PLPPR5: variants seen among roughly 807,000 people sequenced by gnomAD.
The protein encoded by PLPPR5 is phospholipid phosphatase related 5, also known as phospholipid phosphatase-related protein type 5.
Under a neutral mutation model 33.9 loss-of-function variants are expected in PLPPR5, and 16 were observed. The ratio of observed to expected loss-of-function variants is 0.47; its 90% CI spans 0.32 to 0.72. PLPPR5 has a LOEUF of 0.72. Among genes scored for constraint, PLPPR5 ranks in the 30% least tolerant of loss-of-function variants. The pLI is 0.03. For synonymous variants in PLPPR5, 163 were observed against 150.3 expected (o/e 1.08, Z -0.62); for missense variants, 301 against 406.7 (o/e 0.74, Z 2.23).
chr1:99,002,027 C>T (rs80188538), intron 1 of PLPPR5, among the ~76,000 whole-genome samples: 21 of 152,124 alleles, frequency 1.4e-4, no homozygotes, highest in Non-Finnish European at 2.4e-4. Flanking sequence ...AGTAACTCAA[C>T]AAATGATGGG....
chr1:98,991,744 TAGTC>T (rs775442345), intron 1 of PLPPR5, among the ~76,000 whole-genome samples: 1 of 152,164 alleles, frequency 6.6e-6, no homozygotes, highest in Non-Finnish European at 1.5e-5. Flanking sequence ...AGCATCCCAA[TAGTC>T]AGACTTGATT....
chr1:98,907,985 G>T (rs893803001), intron 5 of PLPPR5, among the ~76,000 whole-genome samples: 1 of 152,146 alleles, frequency 6.6e-6, no homozygotes, highest in Admixed American at 6.5e-5. Context: ...CCTTCATCTG[G>T]CATGAACCCC....
intron 2 of PLPPR5, among the ~76,000 whole-genome samples, chr1:98,955,613 G>A (rs760109033): frequency 9.9e-5 from 15 of 152,006 alleles, no homozygotes; most frequent in Non-Finnish European, 1.5e-4. Flanking sequence ...TTCGTCTTCA[G>A]AGAGATCCAA....
At chr1:98,969,726 C>CTCCTTCCTTCCT (rs3077539) in intron 1 of PLPPR5, among the ~76,000 whole-genome samples, 24,695 of 149,794 alleles carry the variant, frequency 0.16, 3,003 homozygotes, top group African/African-American at 0.35. Context: ...ACCTCTTTTT[C>CTCCTTCCTTCCT]TCCTTCCTTC....
intron 1 of PLPPR5, among the ~76,000 whole-genome samples, chr1:99,004,042 T>C (rs971475058): frequency 2.6e-5 from 4 of 152,084 alleles, no homozygotes; most frequent in Non-Finnish European, 5.9e-5. Flanking sequence ...CCGCCGCTGC[T>C]CTTCTTCCAG....
At chr1:98,952,177 G>A (rs1370640725) in intron 3 of PLPPR5, among the ~76,000 whole-genome samples, 1 of 151,802 alleles carries the variant, frequency 6.6e-6, no homozygotes, top group Non-Finnish European at 1.5e-5. Flanking sequence ...GCAGGAGAAT[G>A]GGGTGAACCT....
At chr1:98,912,006 C>T (rs557773839) in intron 5 of PLPPR5, among the ~76,000 whole-genome samples, 20 of 152,204 alleles carry the variant, frequency 1.3e-4, no homozygotes, top group Middle Eastern at 3.4e-3. Flanking sequence ...TGACCTCAAG[C>T]GATCCTTCCA....
intron 3 of PLPPR5, among the ~76,000 whole-genome samples, chr1:98,943,468 C>G (rs1237695090): frequency 6.6e-6 from 1 of 152,084 alleles, no homozygotes. Context: ...CATCACGGTC[C>G]CCTGTTAGAG....
chr1:98,960,365 G>C (rs1263723113), intron 1 of PLPPR5, among the ~76,000 whole-genome samples: 1 of 151,832 alleles, frequency 6.6e-6, no homozygotes, highest in Non-Finnish European at 1.5e-5. Context: ...CACCACACCA[G>C]GTTAATTTTT....
intron 1 of PLPPR5, among the ~76,000 whole-genome samples, chr1:98,975,116 G>C (rs1439905737): frequency 6.6e-6 from 1 of 152,014 alleles, no homozygotes; most frequent in Non-Finnish European, 1.5e-5. Flanking sequence ...ATCATGTTCT[G>C]TTGCAGGACC....
intron 1 of PLPPR5, among the ~76,000 whole-genome samples, chr1:98,991,671 A>G (rs1001060547): frequency 1.4e-5 from 2 of 140,260 alleles, no homozygotes; most frequent in Non-Finnish European, 3.1e-5. Flanking sequence ...AATAACTTCA[A>G]AAGGTTGAGT....
chr1:98,969,383 A>G (rs1651572750), intron 1 of PLPPR5, among the ~76,000 whole-genome samples: 1 of 152,088 alleles, frequency 6.6e-6, no homozygotes, highest in Non-Finnish European at 1.5e-5. Context: ...GAAGTTTAAA[A>G]TAAAAGAGAG....
At chr1:98,970,684 A>G (rs1651627105) in intron 1 of PLPPR5, among the ~76,000 whole-genome samples, 1 of 151,896 alleles carries the variant, frequency 6.6e-6, no homozygotes, top group South Asian at 2.1e-4. Flanking sequence ...ACCTCATTTT[A>G]CAGGTAAGGA....
chr1:98,896,932 A>C (rs1214600906), intron 5 of PLPPR5, among the ~76,000 whole-genome samples: 1 of 152,166 alleles, frequency 6.6e-6, no homozygotes, highest in Non-Finnish European at 1.5e-5. Context: ...CCTGTCACTC[A>C]ATCAACAAAT....
intron 1 of PLPPR5, among the ~76,000 whole-genome samples, chr1:98,997,455 C>T (rs901822144): frequency 2.0e-5 from 3 of 152,102 alleles, no homozygotes; most frequent in Non-Finnish European, 4.4e-5. Flanking sequence ...ATACTTAATA[C>T]ATGGTATCAG....
chr1:98,938,864 C>G (rs1650275747), intron 3 of PLPPR5, among the ~76,000 whole-genome samples: 1 of 152,112 alleles, frequency 6.6e-6, no homozygotes, highest in African/African-American at 2.4e-5. Flanking sequence ...CCTTAGCAAA[C>G]TCATGCAGGA....
chr1:98,962,506 A>G (rs1470873658), intron 1 of PLPPR5, among the ~76,000 whole-genome samples: 4 of 152,168 alleles, frequency 2.6e-5, no homozygotes, highest in Non-Finnish European at 5.9e-5. Context: ...CACTACCTCC[A>G]TTTTAAAATC....
At chr1:98,919,253 T>C (rs915948926) in intron 4 of PLPPR5, among the ~76,000 whole-genome samples, 2 of 152,120 alleles carry the variant, frequency 1.3e-5, no homozygotes, top group African/African-American at 2.4e-5. Context: ...ATTTTTATAG[T>C]GGAAATTAAC....
intron 3 of PLPPR5, among the ~76,000 whole-genome samples, chr1:98,948,219 G>T (rs758450879): frequency 1.1e-4 from 17 of 152,100 alleles, no homozygotes; most frequent in Admixed American, 2.0e-4. Context: ...AGAAGAGAGG[G>T]GCAAACAGAC....
Sources: gnomAD v4.1 joint callset for allele counts (sites outside exome capture counted in the v4.1 genomes callset) on GRCh38, gnomAD v4.1.1 for gene constraint, MANE v1.5 for transcripts, NCBI Gene and HGNC (gene_info 2026-07-23, HGNC 2026-07-21) for gene names.